The following NAALADL2 variants were observed in gnomAD, a reference collection of about 807,000 sequenced individuals.
The protein encoded by NAALADL2 is inactive N-acetylated-alpha-linked acidic dipeptidase-like protein 2.
A neutral mutation model predicts 87.2 loss-of-function variants in NAALADL2; 76 were observed. That is an observed-to-expected ratio of 0.87 (90% CI 0.72 to 1.05). The LOEUF is 1.05. Ranked by LOEUF, NAALADL2 falls within the 50% of genes least tolerant of loss-of-function variation. NAALADL2 has a pLI of 0.00. For missense variants in NAALADL2, 1,089 were observed against 945.8 expected, an observed-to-expected ratio of 1.15 and a Z score of -1.99; for synonymous variants, 354 against 331.0, an observed-to-expected ratio of 1.07 and a Z score of -0.75.
intron 1 of NAALADL2, among the ~76,000 whole-genome samples, chr3:174,892,921 C>CAAAAAA (rs35081771): frequency 8.3e-5 from 9 of 108,516 alleles, no homozygotes; most frequent in East Asian, 2.5e-4. Flanking sequence ...GACTCCAACT[C>CAAAAAA]AAAAAAAAAA....
At chr3:174,581,285 T>C (rs1408898634) in intron 2 of NAALADL2, among the ~76,000 whole-genome samples, 2 of 152,132 alleles carry the variant, frequency 1.3e-5, no homozygotes, top group Non-Finnish European at 2.9e-5. Flanking sequence ...TTATTCAAAA[T>C]GTATTTATAT....
At chr3:174,585,123 C>G (rs954269117) in intron 2 of NAALADL2, among the ~76,000 whole-genome samples, 2 of 152,136 alleles carry the variant, frequency 1.3e-5, no homozygotes, top group Non-Finnish European at 2.9e-5. Flanking sequence ...TACTGTGACT[C>G]TGACCCCTGA....
At chr3:175,036,178 TG>T (rs1377929684) in intron 1 of NAALADL2, among the ~76,000 whole-genome samples, 1 of 152,164 alleles carries the variant, frequency 6.6e-6, no homozygotes, top group Non-Finnish European at 1.5e-5. Context: ...GCATTTTGCT[TG>T]TATGATTATT....
Position 175,265,637 on chromosome 3 carries a change from G to C in NAALADL2, c.939+9107G>C, listed in dbSNP as rs73881455. Among the ~76,000 whole-genome samples, 436 of 151,562 alleles carry C rather than the reference G, an allele frequency of 2.9e-3. 3 individuals carry two copies. Among genetic ancestry groups the C allele is most frequent in the Middle Eastern group, 0.024 (7 of 294 alleles). ...TGGAGGCAGAATTAAATTACTTTTGGAAGGAAACATTATTGGAAATTTAAT... is the reference window on the plus strand; with the variant it reads ...TGGAGGCAGAATTAAATTACTTTTGCAAGGAAACATTATTGGAAATTTAAT... On this transcript the variant is annotated intron_variant, in intron 4 of 13. Coordinates refer to ENST00000454872, the MANE Select transcript of NAALADL2 (RefSeq NM_207015.3).
At chr3:174,474,986 A>G (rs745550044) in intron 1 of NAALADL2, among the ~76,000 whole-genome samples, 4 of 152,068 alleles carry the variant, frequency 2.6e-5, no homozygotes, top group Non-Finnish European at 4.4e-5. Context: ...ATATAATAAT[A>G]TAAAGCTATT....
chr3:175,210,060 C>T (rs1221440766), intron 2 of NAALADL2, among the ~76,000 whole-genome samples: 1 of 151,532 alleles, frequency 6.6e-6, no homozygotes, highest in Non-Finnish European at 1.5e-5. Context: ...TTGCAATACG[C>T]ATAACAGAAA....
intron 1 of NAALADL2, among the ~76,000 whole-genome samples, chr3:174,984,409 G>C (rs1015491503): frequency 1.3e-5 from 2 of 151,308 alleles, no homozygotes; most frequent in Admixed American, 1.3e-4. Context: ...CATGAATGTA[G>C]CTTGTTTAAT....
intron 10 of NAALADL2, among the ~76,000 whole-genome samples, chr3:175,577,639 A>G (rs1719094787): frequency 1.3e-5 from 2 of 152,190 alleles, no homozygotes; most frequent in Non-Finnish European, 2.9e-5. Context: ...TACCCAGAAT[A>G]TCTAACTCCC....
chr3:175,368,465 G>A (rs1203191367), intron 5 of NAALADL2, among the ~76,000 whole-genome samples: 9 of 152,104 alleles, frequency 5.9e-5, no homozygotes, highest in East Asian at 3.9e-4. Flanking sequence ...GGTAGAATTC[G>A]GCTGTGAATC....
chr3:174,948,337 C>A (rs551117586), intron 1 of NAALADL2, among the ~76,000 whole-genome samples: 1 of 151,952 alleles, frequency 6.6e-6, no homozygotes, highest in Non-Finnish European at 1.5e-5. Context: ...CCACCAAACC[C>A]GGCTAATTTT....
chr3:174,988,470 A>G (rs1746274570), intron 1 of NAALADL2, among the ~76,000 whole-genome samples: 1 of 152,212 alleles, frequency 6.6e-6, no homozygotes. Context: ...AGTTTAAAAT[A>G]ATCATTCAGC....
At chr3:175,517,947 C>G (rs1732113529) in intron 9 of NAALADL2, among the ~76,000 whole-genome samples, 1 of 152,110 alleles carries the variant, frequency 6.6e-6, no homozygotes, top group Admixed American at 6.5e-5. Context: ...CCACCCTAAT[C>G]TTGTTATGGA....
rs186672290 is a variant in NAALADL2 at position 175,354,469 on chromosome 3, C to T, written c.1090+30144C>T. 6.3e-3 allele frequency among the ~76,000 whole-genome samples: 965 copies of T among 152,042 alleles called. 10 individuals carry two copies. Among genetic ancestry groups the T allele is most frequent in the African/African-American group, 0.022 (909 of 41,510 alleles). ...ATAAAGACAGAAGAAAATATTTTTT[C>T]AGAATCTTGTCATATTCGCATGTTA... is the stretch of plus-strand genomic sequence containing the variant. On this transcript the variant is annotated intron_variant, in intron 5 of 13. Coordinates refer to ENST00000454872, the MANE Select transcript of NAALADL2 (RefSeq NM_207015.3).
chr3:175,689,378 A>T (rs962214001), intron 11 of NAALADL2, among the ~76,000 whole-genome samples: 1 of 152,194 alleles, frequency 6.6e-6, no homozygotes, highest in East Asian at 1.9e-4. Flanking sequence ...GAGTTAAGAT[A>T]TATGCTAGAT....
At chr3:174,781,804 A>G (rs764311625) in intron 3 of NAALADL2, among the ~76,000 whole-genome samples, 30 of 152,084 alleles carry the variant, frequency 2.0e-4, no homozygotes, top group Non-Finnish European at 3.5e-4. Context: ...GGGAACTTAC[A>G]GTGGAGAAAT....
intron 11 of NAALADL2, chr3:175,655,474 TA>T: frequency 2.6e-6 from 1 of 382,956 alleles, no homozygotes; most frequent in Non-Finnish European, 5.2e-6. Context: ...TTTTTCTTCC[TA>T]AATAGTGAAG....
intron 1 of NAALADL2, among the ~76,000 whole-genome samples, chr3:175,014,007 A>G (rs1277879367): frequency 6.6e-6 from 1 of 152,180 alleles, no homozygotes; most frequent in Admixed American, 6.6e-5. Flanking sequence ...ACTAACATCC[A>G]GGTTAAAATC....
At chr3:174,575,955 C>T (rs1177920940) in intron 2 of NAALADL2, among the ~76,000 whole-genome samples, 1 of 151,990 alleles carries the variant, frequency 6.6e-6, no homozygotes, top group Non-Finnish European at 1.5e-5. Flanking sequence ...CCTCCACTTC[C>T]CGGGTTAAAG....
chr3:174,461,573 G>A lies in NAALADL2; in HGVS notation c.-184+20541G>A, dbSNP rs1032545781. Among the ~76,000 whole-genome samples the A allele has an allele frequency of 2.0e-5, 3 of 151,960 alleles. No individual in the cohort carries two copies. The East Asian group carries it at 5.8e-4, about 29-fold the overall frequency. On this transcript the variant is annotated intron_variant, in intron 1 of 3. Transcript: ENST00000434257. The stretch of plus-strand genomic sequence containing the variant: ...AGTAGATTGCTATTCAAAATTACAT[G>A]TGTTTCTTTTGAAAACTTTCCTTTT...
Sources: gnomAD v4.1 joint callset for allele counts (sites outside exome capture counted in the v4.1 genomes callset) on GRCh38, gnomAD v4.1.1 for gene constraint, MANE v1.5 for transcripts, NCBI Gene and HGNC (gene_info 2026-07-23, HGNC 2026-07-21) for gene names.